Variants in RAB1A observed in about 807,000 individuals in gnomAD.
RAB1A encodes the protein ras-related protein Rab-1A.
In RAB1A, 2 loss-of-function variants were observed where a neutral mutation model predicts 26.0. The ratio of observed to expected loss-of-function variants is 0.08; its 90% CI spans 0.03 to 0.24. The LOEUF (loss-of-function observed/expected upper bound fraction) is 0.24. Among genes scored for constraint, RAB1A ranks in the 10% least tolerant of loss-of-function variants. The pLI is 1.00. For missense variants in RAB1A, 100 were observed against 247.0 expected, an observed-to-expected ratio of 0.40 and a Z score of 3.99; for synonymous variants, 84 against 84.9, an observed-to-expected ratio of 0.99 and a Z score of 0.06.
At chr2:65,096,284 C>T (rs547939771) in intron 3 of RAB1A, among the ~76,000 whole-genome samples, 5 of 152,262 alleles carry the variant, frequency 3.3e-5, no homozygotes, top group African/African-American at 9.6e-5. Context: ...CACTGCACTC[C>T]AGCCTGGGAG....
At chr2:65,099,255 T>C (rs1442610345) in intron 2 of RAB1A, among the ~76,000 whole-genome samples, 1 of 152,246 alleles carries the variant, frequency 6.6e-6, no homozygotes, top group Admixed American at 6.5e-5. Context: ...CCATGAACAT[T>C]TGTGTACAAG....
intron 1 of RAB1A, among the ~76,000 whole-genome samples, chr2:65,128,059 G>A (rs1212764610): frequency 6.6e-6 from 1 of 152,110 alleles, no homozygotes; most frequent in Non-Finnish European, 1.5e-5. Context: ...TAAGCGCAAG[G>A]ATTATATTCC....
intron 2 of RAB1A, among the ~76,000 whole-genome samples, chr2:65,101,613 T>C (rs1432371681): frequency 6.6e-6 from 1 of 151,978 alleles, no homozygotes; most frequent in Non-Finnish European, 1.5e-5. Context: ...TTAAGAATTA[T>C]GCTTAATTTT....
chr2:65,126,287 C>A (rs1197009029), intron 1 of RAB1A, among the ~76,000 whole-genome samples: 1 of 151,448 alleles, frequency 6.6e-6, no homozygotes, highest in Non-Finnish European at 1.5e-5. Context: ...GCACTCCAGC[C>A]TGGGTGACAG....
intron 2 of RAB1A, among the ~76,000 whole-genome samples, chr2:65,099,455 G>C (rs574009151): frequency 3.3e-5 from 5 of 152,298 alleles, no homozygotes; most frequent in African/African-American, 1.2e-4. Context: ...CACCTAAGAA[G>C]TACTCTGTCA....
At chr2:65,095,955 C>G (rs1669273243) in intron 3 of RAB1A, among the ~76,000 whole-genome samples, 1 of 152,054 alleles carries the variant, frequency 6.6e-6, no homozygotes, top group African/African-American at 2.4e-5. Flanking sequence ...AGTTCGAGAC[C>G]AGCCTAACCA....
intron 3 of RAB1A, among the ~76,000 whole-genome samples, chr2:65,097,046 T>C (rs1669305412): frequency 6.6e-6 from 1 of 150,806 alleles, no homozygotes; most frequent in Non-Finnish European, 1.5e-5. Context: ...CATGATTCTC[T>C]AACAGGTAAA....
At chr2:65,117,267 T>C (rs956855757) in intron 1 of RAB1A, among the ~76,000 whole-genome samples, 25 of 152,064 alleles carry the variant, frequency 1.6e-4, no homozygotes, top group Non-Finnish European at 2.8e-4. Flanking sequence ...AGGGTCTTCA[T>C]ATGCTGCCCA....
intron 1 of RAB1A, among the ~76,000 whole-genome samples, chr2:65,107,742 C>G (rs1669595016): frequency 6.6e-6 from 1 of 152,128 alleles, no homozygotes; most frequent in South Asian, 2.1e-4. Context: ...CCTGAATTTG[C>G]TGTACTGGAG....
intron 4 of RAB1A, among the ~76,000 whole-genome samples, chr2:65,089,730 T>A (rs1234867134): frequency 2.7e-5 from 4 of 147,086 alleles, no homozygotes; most frequent in African/African-American, 5.0e-5. Context: ...TGAGACAAAG[T>A]CTTGTTCTGT....
intron 1 of RAB1A, among the ~76,000 whole-genome samples, chr2:65,122,696 G>A (rs1256464254): frequency 6.6e-6 from 1 of 151,996 alleles, no homozygotes; most frequent in Admixed American, 6.6e-5. Flanking sequence ...AGCTATTCTG[G>A]CCAGACGTGG....
chr2:65,114,582 G>A (rs967630733), intron 1 of RAB1A, among the ~76,000 whole-genome samples: 6 of 152,250 alleles, frequency 3.9e-5, no homozygotes, highest in African/African-American at 1.2e-4. Flanking sequence ...GGTGGCTCAC[G>A]CCTGTAATCC....
At chr2:65,093,415 A>C (rs1431212703) in intron 3 of RAB1A, among the ~76,000 whole-genome samples, 1 of 152,194 alleles carries the variant, frequency 6.6e-6, no homozygotes, top group Non-Finnish European at 1.5e-5. Context: ...TGGACTCAGT[A>C]CCTGCCCTAT....
chr2:65,099,047 G>A (rs962815140), intron 2 of RAB1A, among the ~76,000 whole-genome samples: 1 of 152,026 alleles, frequency 6.6e-6, no homozygotes, highest in African/African-American at 2.4e-5. Flanking sequence ...ATGATGGTCA[G>A]GCTGGTCTCA....
intron 3 of RAB1A, among the ~76,000 whole-genome samples, chr2:65,097,176 A>G (rs958219202): frequency 6.6e-6 from 1 of 152,180 alleles, no homozygotes; most frequent in African/African-American, 2.4e-5. Context: ...TTTATAGCCT[A>G]CTTCTTGCTA....
chr2:65,095,008 A>C (rs1335847004), intron 3 of RAB1A, among the ~76,000 whole-genome samples: 1 of 152,220 alleles, frequency 6.6e-6, no homozygotes, highest in African/African-American at 2.4e-5. Context: ...AGACAGAAGT[A>C]AAAGAAACAG....
At chr2:65,122,155 C>CAAAAAAAAAAAAA (rs57590844) in intron 1 of RAB1A, among the ~76,000 whole-genome samples, 1 of 31,712 alleles carries the variant, frequency 3.2e-5, no homozygotes, top group South Asian at 1.9e-3. Flanking sequence ...GACTCTATCT[C>CAAAAAAAAAAAAA]AAAAAAAAAA....
chr2:65,129,315 G>T lies in RAB1A; in HGVS notation c.23+578C>A, dbSNP rs547587764. On this transcript the variant is annotated intron_variant, in intron 1 of 5. Transcript: ENST00000409784. ...CAACTCAAAAAGAGAACTAATAAAT[G>T]TTCAGTTGCTTCTCACCATCTACTC... 1.1e-4 allele frequency among the ~76,000 whole-genome samples: 16 copies of T among 151,974 alleles called. No individual in the cohort carries two copies. The East Asian group carries it at 2.7e-3, about 26-fold the overall frequency.
At chr2:65,119,042 GA>G (rs767546614) in intron 1 of RAB1A, among the ~76,000 whole-genome samples, 1 of 150,786 alleles carries the variant, frequency 6.6e-6, no homozygotes, top group Non-Finnish European at 1.5e-5. Flanking sequence ...AGAGAAAAAA[GA>G]AAAAAAATAC....
Sources: allele counts gnomAD v4.1 joint callset (sites outside exome capture counted in the v4.1 genomes callset), GRCh38; gene constraint gnomAD v4.1.1; transcripts MANE v1.5; gene names NCBI Gene and HGNC (gene_info 2026-07-23, HGNC 2026-07-21).